The following GGTLC1 variants were observed in gnomAD, a reference collection of about 807,000 sequenced individuals.
GGTLC1 encodes the protein gamma-glutamyltransferase light chain 1.
A neutral mutation model predicts 19.5 loss-of-function variants in GGTLC1; 14 were observed. That is an observed-to-expected ratio of 0.72 (90% CI 0.47 to 1.12). The LOEUF is 1.12. GGTLC1 is among the 50% of genes most tolerant of loss of function. The pLI is 0.00. For synonymous variants in GGTLC1, 110 were observed against 124.2 expected, an observed-to-expected ratio of 0.89 and a Z score of 0.76; for missense variants, 304 against 309.2, an observed-to-expected ratio of 0.98 and a Z score of 0.13.
At chr20:23,987,414 G>A (rs1987994748) in intron 1 of GGTLC1, among the ~76,000 whole-genome samples, 1 of 152,142 alleles carries the variant, frequency 6.6e-6, no homozygotes, top group Admixed American at 6.5e-5. Context: ...GGCCTGGGTG[G>A]GAGAAAGAGA....
At chr20:23,988,313 T>C (rs533620865) in intron 1 of GGTLC1, among the ~76,000 whole-genome samples, 1 of 151,802 alleles carries the variant, frequency 6.6e-6, no homozygotes, top group East Asian at 2.0e-4. Flanking sequence ...CCCAAAGTGC[T>C]AGGATTATAG....
intron 1 of GGTLC1, among the ~76,000 whole-genome samples, chr20:23,987,550 T>A (rs1988004725): frequency 6.6e-6 from 1 of 151,614 alleles, no homozygotes; most frequent in East Asian, 2.0e-4. Context: ...ATAAAAAAAA[T>A]AAATAAATAA....
At position 23,986,660 on chromosome 20, in the gene GGTLC1, A is replaced by C; in HGVS notation, c.-34-15T>G. 3.2e-6 allele frequency: 1 copy of C among 315,554 alleles called. No individual in the cohort carries two copies. The highest frequency in any genetic ancestry group is 6.2e-6 in the Non-Finnish European group (1 of 160,532). 19.5% of individuals were successfully genotyped at this position (315,554 alleles called of 1,614,324 possible). ...CCAGAGCTGGCCTAGGGAGGTGGGG[A>C]GGGAGGGTGGGGAGGGGGCACAGGT... On this transcript the variant is annotated splice_polypyrimidine_tract_variant and intron_variant, in intron 1 of 5. Coordinates refer to ENST00000335694, the MANE Select transcript of GGTLC1 (RefSeq NM_178311.3).
At chr20:23,988,376 T>C (rs1055847797) in intron 1 of GGTLC1, among the ~76,000 whole-genome samples, 1 of 150,318 alleles carries the variant, frequency 6.7e-6, no homozygotes, top group African/African-American at 2.5e-5. Flanking sequence ...ATTTGGAGAC[T>C]GAGTTTTGCA....
chr20:23,985,918 C>G lies in GGTLC1; in HGVS notation c.361G>C (p.Val121Leu). 6.2e-7 allele frequency: 1 copy of G among 1,612,018 alleles called. No homozygotes were observed. The highest frequency in any genetic ancestry group is 8.5e-7 in the Non-Finnish European group (1 of 1,179,864). Residue 121 changes from valine (V) to leucine (L), a missense_variant, in exon 4 of 6, where the codon GTC (valine) becomes CTC (leucine). Val to Leu is a conservative substitution (Grantham distance 32). Coordinates refer to ENST00000335694, the MANE Select transcript of GGTLC1 (RefSeq NM_178311.3). ...PTIMVGQDGQVRMVVGAAGGT... is the reference protein window; with the variant it reads ...PTIMVGQDGQLRMVVGAAGGT... The stretch of plus-strand genomic sequence containing the variant: ...CCGGCAGCTCCCACCACCATCCGGA[C>G]CTGGCCGTCCTGGCCCACCATGATC...
intron 2 of GGTLC1, 25 bp from the exon 3 acceptor site, chr20:23,986,228 T>C (rs1987902938): frequency 1.3e-6 from 2 of 1,597,724 alleles, no homozygotes; most frequent in African/African-American, 1.3e-5. Flanking sequence ...GGTCAGACAG[T>C]GCCCGACCTT....
At position 23,986,279 on chromosome 20, in the gene GGTLC1, A is replaced by G. The variant is rs1441119246; in HGVS notation, c.177-76T>C. 7 of 1,597,642 alleles carry G rather than the reference A, an allele frequency of 4.4e-6. No homozygotes were observed. In the East Asian group the frequency reaches 1.1e-4, roughly 26 times the overall value. On this transcript the variant is annotated intron_variant, in intron 2 of 5. Transcript: ENST00000335694. ...GTCCCTATCCACCCACTGAGGCTCA[A>G]ACATACTCACTGAGAGGCTCAGGAT...
Position 23,986,208 on chromosome 20 carries a change from C to T in GGTLC1, c.177-5G>A, listed in dbSNP as rs180925592. The T allele has an allele frequency of 1.7e-5, 28 of 1,606,194 alleles. No homozygotes were observed. Among genetic ancestry groups the T allele is most frequent in the South Asian group, 4.5e-5 (4 of 88,862 alleles). On this transcript the variant is annotated splice_polypyrimidine_tract_variant and splice_region_variant and intron_variant, in intron 2 of 5. Transcript: ENST00000335694. ...GAGCGCACCTTGGAGCCAAAGCTAT[C>T]GCCCAGCCAGGTCAGACAGTGCCCG...
chr20:23,988,456 A>G (rs1406869479), intron 1 of GGTLC1, among the ~76,000 whole-genome samples, 153 bp downstream of exon 1: 1 of 152,054 alleles, frequency 6.6e-6, no homozygotes, highest in African/African-American at 2.4e-5. Context: ...GCAGGAGAGC[A>G]GGAATCTTCA....
rs1313903042 is a variant in GGTLC1, at chr20:23,985,956, G to C, written c.323C>G (p.Ser108Cys). ...GCCCACCATGATCGTCGGGCACATGGACGAGAGCGGCTGCTTCCCTGCGGC... is the reference window on the plus strand; with the variant it reads ...GCCCACCATGATCGTCGGGCACATGCACGAGAGCGGCTGCTTCCCTGCGGC... ...FIQPGKQPLSSMCPTIMVGQD... is the reference protein window; with the variant it reads ...FIQPGKQPLSCMCPTIMVGQD... Residue 108 changes from serine (S) to cysteine (C), a missense_variant, in exon 4 of 6, where the codon TCC becomes TGC. Ser to Cys is a moderately radical substitution (Grantham distance 112). Transcript: ENST00000335694. 1.2e-6 allele frequency: 2 copies of C among 1,611,988 alleles called. No individual in the cohort carries two copies. The highest frequency in any genetic ancestry group is 1.7e-6 in the Non-Finnish European group (2 of 1,179,862).
Position 23,986,479 on chromosome 20 carries a change from C to G in GGTLC1, c.133G>C (p.Glu45Gln), listed in dbSNP as rs1297224372. Residue 45 changes from glutamate (E) to glutamine (Q), a missense_variant, in exon 2 of 6, where the codon GAG becomes CAG. Coordinates refer to ENST00000335694, the MANE Select transcript of GGTLC1 (RefSeq NM_178311.3). ...GGTAHLSVVA[E>Q]DGSAVSATST... is the part of the protein sequence containing the mutation. The stretch of plus-strand genomic sequence containing the variant: ...GTGGCGGACACAGCACTGCCGTCCT[C>G]TGCGACCACAGACAGGTGAGCAGTG... The G allele has an allele frequency of 6.2e-7, 1 of 1,611,864 alleles. No homozygotes were observed. Among genetic ancestry groups the G allele is most frequent in the East Asian group, 2.2e-5 (1 of 44,888 alleles).
At chr20:23,985,489 G>A (rs1987823239) in intron 5 of GGTLC1, 127 bp from the exon 6 acceptor site, 1 of 1,593,202 alleles carries the variant, frequency 6.3e-7, no homozygotes, top group Non-Finnish European at 8.6e-7. Flanking sequence ...GAGCAGGTTG[G>A]GGCCTGCTGG....
intron 2 of GGTLC1, 55 bp downstream of exon 2, chr20:23,986,381 C>T: frequency 6.2e-7 from 1 of 1,603,172 alleles, no homozygotes; most frequent in East Asian, 2.3e-5. Context: ...AGTGGGCAGT[C>T]CCTGAGCCAC....
intron 2 of GGTLC1, 37 bp downstream of exon 2, chr20:23,986,399 T>A: frequency 6.2e-7 from 1 of 1,608,616 alleles, no homozygotes; most frequent in South Asian, 1.1e-5. Context: ...CACCCTCCCC[T>A]GGCCCTTTCC....
intron 1 of GGTLC1, among the ~76,000 whole-genome samples, chr20:23,987,150 A>T (rs1007921238): frequency 3.9e-5 from 6 of 152,160 alleles, no homozygotes; most frequent in African/African-American, 1.4e-4. Context: ...GGCAGGTGGT[A>T]TAGGCTGGTG....
Position 23,988,440 on chromosome 20 carries a change from A to G in GGTLC1, c.-35+169T>C, listed in dbSNP as rs542187400. ...GCGATCTCAGCTCACTGCAATCTCCACCTCAGCAGGAGAGCAGGAATCTTC... is the reference window on the plus strand; with the variant it reads ...GCGATCTCAGCTCACTGCAATCTCCGCCTCAGCAGGAGAGCAGGAATCTTC... On this transcript the variant is annotated intron_variant, in intron 1 of 5. Transcript: ENST00000335694. 4.4e-3 allele frequency among the ~76,000 whole-genome samples: 674 copies of G among 151,928 alleles called. 6 individuals are homozygous for G. Among genetic ancestry groups the G allele is most frequent in the African/African-American group, 0.016 (644 of 41,438 alleles).
chr20:23,985,142 C>G lies in GGTLC1; in HGVS notation c.*74G>C, dbSNP rs1987793057. The G allele has an allele frequency of 2.5e-6, 4 of 1,603,052 alleles. No individual in the cohort carries two copies. The Admixed American group carries it at 5.1e-5, about 20-fold the overall frequency. On this transcript the variant is annotated 3_prime_UTR_variant, in exon 6 of 6. Coordinates refer to ENST00000335694, the MANE Select transcript of GGTLC1 (RefSeq NM_178311.3). Reference sequence around the variant, plus strand: ...TGCTGCTCACAGGAGAAGCCTGTCCCCCAAAGTCCTCTTCCTCGTCCTGGT... The same window carrying G: ...TGCTGCTCACAGGAGAAGCCTGTCCGCCAAAGTCCTCTTCCTCGTCCTGGT...
intron 1 of GGTLC1, among the ~76,000 whole-genome samples, chr20:23,988,045 CAAAAAAAA>C (rs755165742): frequency 1.8e-4 from 10 of 54,818 alleles, no homozygotes; most frequent in African/African-American, 3.6e-4. Flanking sequence ...GACTCCATCT[CAAAAAAAA>C]AAAAAAAAAA....
rs373992644 is a variant in GGTLC1 at position 23,986,215 on chromosome 20, C to G, written c.177-12G>C. The G allele has an allele frequency of 2.5e-6, 4 of 1,603,780 alleles. No individual in the cohort carries two copies. The highest frequency in any genetic ancestry group is 2.3e-5 in the South Asian group (2 of 88,082). Reference sequence around the variant, plus strand: ...CCTTGGAGCCAAAGCTATCGCCCAGCCAGGTCAGACAGTGCCCGACCTTGC... The same window carrying G: ...CCTTGGAGCCAAAGCTATCGCCCAGGCAGGTCAGACAGTGCCCGACCTTGC... On this transcript the variant is annotated splice_polypyrimidine_tract_variant and intron_variant, in intron 2 of 5. Coordinates refer to ENST00000335694, the MANE Select transcript of GGTLC1 (RefSeq NM_178311.3).
Sources: allele counts gnomAD v4.1 joint callset (sites outside exome capture counted in the v4.1 genomes callset), GRCh38; gene constraint gnomAD v4.1.1; transcripts MANE v1.5; gene names NCBI Gene and HGNC (gene_info 2026-07-23, HGNC 2026-07-21).